The following ADRA1B variants were observed in gnomAD, a reference collection of about 807,000 sequenced individuals.
The protein encoded by ADRA1B is adrenoceptor alpha 1B, also known as alpha-1B adrenergic receptor.
In ADRA1B, 17 loss-of-function variants were observed where a neutral mutation model predicts 17.9. The ratio of observed to expected loss-of-function variants is 0.95; its 90% confidence interval spans 0.65 to 1.42. The LOEUF (loss-of-function observed/expected upper bound fraction) is 1.42, where lower values mean the gene tolerates loss of function less well. Ranked by LOEUF, ADRA1B falls within the 40% of genes most tolerant of loss-of-function variation. ADRA1B has a pLI of 0.00. For missense variants in ADRA1B, 681 were observed against 722.1 expected, an observed-to-expected ratio of 0.94 and a Z score of 0.65; for synonymous variants, 366 against 327.6, an observed-to-expected ratio of 1.12 and a Z score of -1.27.
At chr5:159,943,921 C>T (rs1378099744) in intron 1 of ADRA1B, among the ~76,000 whole-genome samples, 1 of 151,108 alleles carries the variant, frequency 6.6e-6, no homozygotes, top group African/African-American at 2.4e-5. Context: ...CTCACACACA[C>T]ACACACACAC....
rs149238752 is a variant in ADRA1B, at chr5:159,901,886, G to T, written c.-255-14233G>T. ...AGGTTGGGGAGAAATTGGAAGCCTT[G>T]CACACTGTTGGTGGGATTGTAAAGT... On this transcript the variant is annotated intron_variant, in intron 1 of 2. Coordinates refer to the ADRA1B transcript ENST00000641205. Among the ~76,000 whole-genome samples, 516 of 152,254 alleles carry T rather than the reference G, an allele frequency of 3.4e-3. 3 individuals are homozygous for T. Among genetic ancestry groups the T allele is most frequent in the African/African-American group, 0.012 (486 of 41,520 alleles).
At chr5:159,980,411 G>A in the ADRA1B span, among the ~76,000 whole-genome samples, 1 of 152,156 alleles carries the variant, frequency 6.6e-6, no homozygotes. Context: ...GGCCCCAAAT[G>A]AGAAATGTTT....
rs1295670783 is a variant in ADRA1B, at chr5:159,866,400, A to C, written c.-256+1194A>C. On this transcript the variant is annotated intron_variant, in intron 1 of 2. Coordinates refer to the ADRA1B transcript ENST00000641205. The stretch of plus-strand genomic sequence containing the variant: ...TCAGGAGTTTGAGACGAGCCTGGCC[A>C]AAATAGTGAAACCCCGTCTCCACTA... Among the ~76,000 whole-genome samples the C allele has an allele frequency of 1.3e-5, 2 of 151,898 alleles. 1 individual carries two copies. The highest frequency in any genetic ancestry group is 4.2e-4 in the South Asian group (2 of 4,810).
chr5:159,909,772 G>T (rs1754209332), intron 1 of ADRA1B, among the ~76,000 whole-genome samples: 1 of 152,200 alleles, frequency 6.6e-6, no homozygotes, highest in Non-Finnish European at 1.5e-5. Context: ...AAGAGGTTAT[G>T]CCTAGACAAA....
intron 1 of ADRA1B, among the ~76,000 whole-genome samples, chr5:159,929,448 T>C (rs1293224896): frequency 1.3e-5 from 2 of 151,392 alleles, no homozygotes; most frequent in Non-Finnish European, 1.5e-5. Context: ...TTTTTGGTTT[T>C]TGTATTTTTT....
At chr5:159,979,851 G>T in the ADRA1B span, among the ~76,000 whole-genome samples, 1 of 151,504 alleles carries the variant, frequency 6.6e-6, no homozygotes, top group South Asian at 2.1e-4. Context: ...CTGGGCAACA[G>T]AGCAAGACTC....
Position 159,972,521 on chromosome 5 carries a change from G to C in ADRA1B, c.*29G>C, listed in dbSNP as rs1171762195. ...CCCCGTGCGCAGCTTTCTTTCCCTG[G>C]GGAGGAAAACATCGTGGGGGGGAGG... On this transcript the variant is annotated 3_prime_UTR_variant, in exon 2 of 2. Coordinates refer to ENST00000306675, the MANE Select transcript of ADRA1B (RefSeq NM_000679.4). 10 of 938,468 alleles carry C rather than the reference G, an allele frequency of 1.1e-5. No individual in the cohort carries two copies. The highest frequency in any genetic ancestry group is 1.2e-5 in the Non-Finnish European group (9 of 756,476). 58.1% of individuals were successfully genotyped at this position (938,468 alleles called of 1,614,324 possible).
chr5:159,871,386 G>C (rs945297344), intron 1 of ADRA1B: 1 of 152,156 alleles, frequency 6.6e-6, no homozygotes. Context: ...TAATGCAACA[G>C]AAGTTTATTC....
At chr5:159,978,027 A>C in the ADRA1B span, among the ~76,000 whole-genome samples, 1 of 152,116 alleles carries the variant, frequency 6.6e-6, no homozygotes, top group Non-Finnish European at 1.5e-5. Flanking sequence ...AACACTGTCC[A>C]GCACTCCCTA....
chr5:159,976,906 C>T (rs532121323), downstream of ADRA1B, among the ~76,000 whole-genome samples: 14 of 152,274 alleles, frequency 9.2e-5, no homozygotes, highest in African/African-American at 3.4e-4. Flanking sequence ...CCAAGTCAAG[C>T]ACTTACCCTC....
chr5:159,974,268 T>C (rs1755938887), downstream of ADRA1B, among the ~76,000 whole-genome samples: 1 of 152,212 alleles, frequency 6.6e-6, no homozygotes, highest in Admixed American at 6.5e-5. Flanking sequence ...GCCTTCCTCA[T>C]GACATTCTTA....
In ADRA1B at chr5:159,950,410, G is replaced by A. The variant is rs1034669954; in HGVS notation, c.950-21469G>A. 3 of 712,834 alleles carry A rather than the reference G, an allele frequency of 4.2e-6. No individual in the cohort carries two copies. In the African/African-American group the frequency reaches 5.2e-5, roughly 12 times the overall value. The allele number at this position is 712,834 out of a possible 1,614,324, so 44.2% of individuals were successfully genotyped here. A position where few individuals can be genotyped will look rare whatever the true frequency, so the allele number is the denominator to read the frequency against. ...AGGGGAGAGTCTCAGTGTCATGGGG[G>A]ACTGTGTGTGGCAGGGACTCCCCAT... On this transcript the variant is annotated intron_variant, in intron 1 of 1. Transcript: ENST00000306675.
intron 1 of ADRA1B, among the ~76,000 whole-genome samples, chr5:159,949,319 G>A (rs1370035427): frequency 6.6e-6 from 1 of 152,186 alleles, no homozygotes; most frequent in Non-Finnish European, 1.5e-5. Context: ...GAGCATGCAT[G>A]CAACATGGTT....
At chr5:159,909,216 C>T (rs1754198738) in intron 1 of ADRA1B, among the ~76,000 whole-genome samples, 1 of 152,178 alleles carries the variant, frequency 6.6e-6, no homozygotes, top group African/African-American at 2.4e-5. Flanking sequence ...CCAAGTCATG[C>T]CACATGCTAT....
intron 1 of ADRA1B, chr5:159,947,960 T>A (rs189924525): frequency 1.0e-6 from 1 of 985,456 alleles, no homozygotes; most frequent in East Asian, 1.1e-4. Flanking sequence ...CCCTGGATTC[T>A]TTGGCTTTGC....
rs1020470337 is a variant in ADRA1B at position 159,951,512 on chromosome 5, T to G, written c.950-20367T>G. The G allele has an allele frequency of 1.7e-5, 11 of 663,888 alleles. No homozygotes were observed. In the African/African-American group the frequency reaches 1.9e-4, roughly 12 times the overall value. The allele number at this position is 663,888 out of a possible 1,614,324, so 41.1% of individuals were successfully genotyped here. ...CACCTTCACCACGGTGTCTTGGGGA[T>G]GCAGCTGGCAATGCACGAGAAGATG... On this transcript the variant is annotated intron_variant, in intron 1 of 1. Coordinates refer to ENST00000306675, the MANE Select transcript of ADRA1B (RefSeq NM_000679.4).
chr5:159,957,948 A>AG (rs1478825933), intron 1 of ADRA1B, among the ~76,000 whole-genome samples: 3 of 128,350 alleles, frequency 2.3e-5, no homozygotes, highest in African/African-American at 9.1e-5. Context: ...AAAAAAAAAA[A>AG]AAAAGAAAAG....
At chr5:159,985,154 C>T in the ADRA1B span, among the ~76,000 whole-genome samples, 1 of 152,110 alleles carries the variant, frequency 6.6e-6, no homozygotes, top group African/African-American at 2.4e-5. Context: ...TGTGCTCATT[C>T]CAGATATTTA....
chr5:159,920,669 C>A (rs1401264185), intron 1 of ADRA1B, among the ~76,000 whole-genome samples: 2 of 152,110 alleles, frequency 1.3e-5, no homozygotes, highest in Non-Finnish European at 2.9e-5. Context: ...TCAAAAAGTA[C>A]TCAAGAGCTT....
Sources: allele counts gnomAD v4.1 joint callset (sites outside exome capture counted in the v4.1 genomes callset), GRCh38; gene constraint gnomAD v4.1.1; transcripts MANE v1.5; gene names NCBI Gene and HGNC (gene_info 2026-07-23, HGNC 2026-07-21).